Variants in TRIM9 observed in about 807,000 individuals in gnomAD.
TRIM9 encodes the protein E3 ubiquitin-protein ligase TRIM9.
A neutral mutation model predicts 78.3 loss-of-function variants in TRIM9; 26 were observed. The ratio of observed to expected loss-of-function variants is 0.33; its 90% CI spans 0.24 to 0.46. TRIM9 has a LOEUF of 0.46. Among genes scored for constraint, TRIM9 ranks in the 20% least tolerant of loss-of-function variants. The pLI is 1.00. For synonymous variants in TRIM9, 398 were observed against 416.5 expected (o/e 0.96, Z 0.54); for missense variants, 787 against 1,036.4 (o/e 0.76, Z 3.30).
chr14:51,009,044 A>T (rs1343631516), intron 5 of TRIM9, 36 bp downstream of exon 5: 10 of 1,608,850 alleles, frequency 6.2e-6, no homozygotes, highest in Non-Finnish European at 8.5e-6. Context: ...TCCACTCAGG[A>T]TGTTGCTCTC....
At chr14:51,013,226 A>ATTT (rs72053355) in intron 3 of TRIM9, among the ~76,000 whole-genome samples, 1 of 140,048 alleles carries the variant, frequency 7.1e-6, no homozygotes. Context: ...GTCTAACTTC[A>ATTT]TTTTTTTTTT....
chr14:51,050,347 C>A (rs1379269924), intron 1 of TRIM9, among the ~76,000 whole-genome samples: 1 of 152,162 alleles, frequency 6.6e-6, no homozygotes, highest in East Asian at 1.9e-4. Context: ...CTCACGAGAT[C>A]TGATGGTTTT....
rs2057898089 is a variant in TRIM9, at chr14:51,022,973, C to A, written c.919-16G>T. 6.2e-7 allele frequency: 1 copy of A among 1,613,394 alleles called. No homozygotes were observed. The highest frequency in any genetic ancestry group is 8.5e-7 in the Non-Finnish European group (1 of 1,179,874). On this transcript the variant is annotated splice_polypyrimidine_tract_variant and intron_variant, in intron 2 of 12. Coordinates refer to ENST00000684578, the MANE Select transcript of TRIM9 (RefSeq NM_001387360.1). Reference sequence around the variant, plus strand: ...CACTGTTCTCCTGTGTAACAGAGCACATTTCTCAACTGCAAGCTGCTGGGT... The same window carrying A: ...CACTGTTCTCCTGTGTAACAGAGCAAATTTCTCAACTGCAAGCTGCTGGGT...
At chr14:51,016,772 G>A (rs1211711240) in intron 3 of TRIM9, among the ~76,000 whole-genome samples, 1 of 152,096 alleles carries the variant, frequency 6.6e-6, no homozygotes, top group East Asian at 1.9e-4. Flanking sequence ...TGCCAAAGAG[G>A]CTGGGGACCA....
chr14:51,013,738 G>C (rs17123479), intron 3 of TRIM9, among the ~76,000 whole-genome samples: 1 of 151,992 alleles, frequency 6.6e-6, no homozygotes, highest in African/African-American at 2.4e-5. Context: ...CCATATGTTG[G>C]TCTGGGCTCA....
chr14:50,996,055 A>T, intron 7 of TRIM9: 1 of 984,090 alleles, frequency 1.0e-6, no homozygotes, highest in Non-Finnish European at 1.2e-6. Flanking sequence ...CAAATAGAAC[A>T]AACCAAAGTT....
intron 1 of TRIM9, among the ~76,000 whole-genome samples, chr14:51,055,989 A>C (rs932459134): frequency 3.3e-5 from 5 of 152,262 alleles, no homozygotes; most frequent in African/African-American, 1.2e-4. Context: ...CTGCCACAGA[A>C]GACAACCTTC....
In TRIM9 at chr14:50,983,293, TAAGAC is replaced by T. The variant is rs1029004507; in HGVS notation, c.1834+82_1834+86del. The T allele has an allele frequency of 3.4e-5, 38 of 1,120,874 alleles. No individual in the cohort carries two copies. The African/African-American group carries it at 4.5e-4, about 13-fold the overall frequency. The allele number at this position is 1,120,874 out of a possible 1,614,324, so 69.4% of individuals were successfully genotyped here. On this transcript the variant is annotated intron_variant, in intron 9 of 12. Coordinates refer to ENST00000684578, the MANE Select transcript of TRIM9 (RefSeq NM_001387360.1). Reference sequence around the variant, plus strand: ...TGACAATTAGACAATTTTATTGACATAAGACAAGTTGCCGCCATTTATTTTGTGAA... The same window carrying T: ...TGACAATTAGACAATTTTATTGACATAAGTTGCCGCCATTTATTTTGTGAA...
At chr14:51,077,905 C>T (rs11157796) in intron 1 of TRIM9, among the ~76,000 whole-genome samples, 31,846 of 152,136 alleles carry the variant, frequency 0.21, 3,498 homozygotes, top group Non-Finnish European at 0.24. Context: ...ATCTGTGTAA[C>T]GATTATCCAT....
chr14:51,011,284 C>T (rs2056548925), intron 3 of TRIM9, among the ~76,000 whole-genome samples: 2 of 152,150 alleles, frequency 1.3e-5, no homozygotes, highest in African/African-American at 4.8e-5. Context: ...CATGACATTC[C>T]TTGAACAGTT....
In TRIM9 at chr14:50,991,432, T is replaced by C. The variant is rs377354262; in HGVS notation, c.1604-5288A>G. 7.2e-5 allele frequency among the ~76,000 whole-genome samples: 11 copies of C among 152,294 alleles called. No individual in the cohort carries two copies. The South Asian group carries it at 2.3e-3, about 32-fold the overall frequency. Reference sequence around the variant, plus strand: ...TTTTGTAAAATTTACCCAAATATGGTCAGGTATGATTACCTACCTTGAGAA... The same window carrying C: ...TTTTGTAAAATTTACCCAAATATGGCCAGGTATGATTACCTACCTTGAGAA... On this transcript the variant is annotated intron_variant, in intron 7 of 12. Coordinates refer to ENST00000684578, the MANE Select transcript of TRIM9 (RefSeq NM_001387360.1).
chr14:51,066,573 G>T (rs2061758270), intron 1 of TRIM9, among the ~76,000 whole-genome samples: 1 of 152,184 alleles, frequency 6.6e-6, no homozygotes, highest in Non-Finnish European at 1.5e-5. Flanking sequence ...TTCGAATCAT[G>T]TATATGAACT....
At chr14:51,028,248 T>G (rs1421173233) in intron 1 of TRIM9, among the ~76,000 whole-genome samples, 1 of 111,848 alleles carries the variant, frequency 8.9e-6, no homozygotes, top group Non-Finnish European at 1.8e-5. Flanking sequence ...GTTCTGGTAT[T>G]TGATAAAAAA....
chr14:51,037,151 C>T (rs1268961646), intron 1 of TRIM9, among the ~76,000 whole-genome samples: 4 of 152,152 alleles, frequency 2.6e-5, no homozygotes, highest in Non-Finnish European at 5.9e-5. Flanking sequence ...AAATGCTTTA[C>T]TTACTAGTTA....
chr14:51,064,806 A>C (rs1382414137), intron 1 of TRIM9, among the ~76,000 whole-genome samples: 1 of 152,162 alleles, frequency 6.6e-6, no homozygotes, highest in Non-Finnish European at 1.5e-5. Flanking sequence ...GGAGACAAGA[A>C]GCAATATAAC....
At chr14:51,070,920 A>G (rs1017145086) in intron 1 of TRIM9, among the ~76,000 whole-genome samples, 2 of 151,996 alleles carry the variant, frequency 1.3e-5, no homozygotes, top group Non-Finnish European at 2.9e-5. Context: ...TTTTTGGTGG[A>G]GATGGGAAGC....
chr14:51,079,532 A>T (rs1414027295), intron 1 of TRIM9, among the ~76,000 whole-genome samples: 2 of 152,162 alleles, frequency 1.3e-5, no homozygotes, highest in Non-Finnish European at 2.9e-5. Flanking sequence ...TGCATTTTTT[A>T]TGTAGCCCAG....
At chr14:50,979,244 C>T in intron 12 of TRIM9, 143 bp downstream of exon 12, 1 of 1,514,972 alleles carries the variant, frequency 6.6e-7, no homozygotes, top group East Asian at 2.4e-5. Context: ...AGTGCTGATC[C>T]CTTTCTCTCC....
chr14:50,986,160 A>G lies in TRIM9; in HGVS notation c.1604-16T>C. ...GAATCTGTGTCTAAATGTAAGATCA[A>G]TGCAAACTAGAGATCAGAAGTCTGC... is the stretch of plus-strand genomic sequence containing the variant. On this transcript the variant is annotated splice_polypyrimidine_tract_variant and intron_variant, in intron 7 of 12. Coordinates refer to ENST00000684578, the MANE Select transcript of TRIM9 (RefSeq NM_001387360.1). The G allele has an allele frequency of 1.3e-6, 2 of 1,483,604 alleles. No individual in the cohort carries two copies. The highest frequency in any genetic ancestry group is 2.5e-5 in the East Asian group (1 of 39,318). The allele number at this position is 1,483,604 out of a possible 1,614,324, so 91.9% of individuals were successfully genotyped here.
Sources: allele counts gnomAD v4.1 joint callset (sites outside exome capture counted in the v4.1 genomes callset), GRCh38; gene constraint gnomAD v4.1.1; transcripts MANE v1.5; gene names NCBI Gene and HGNC (gene_info 2026-07-23, HGNC 2026-07-21).